The following KCTD10 variants were observed in gnomAD, a reference collection of about 807,000 sequenced individuals.
KCTD10 encodes potassium channel tetramerization domain containing 10, also known as BTB/POZ domain-containing adapter for CUL3-mediated RhoA degradation protein 3.
In KCTD10, 13 loss-of-function variants were observed where a neutral mutation model predicts 34.6. The observed-to-expected ratio is 0.38, with a 90% CI of 0.24 to 0.60. The LOEUF (loss-of-function observed/expected upper bound fraction) is 0.60. Ranked by LOEUF, KCTD10 falls within the 20% of genes least tolerant of loss-of-function variation. KCTD10 has a pLI of 0.66. For synonymous variants in KCTD10, 156 were observed against 168.8 expected, an observed-to-expected ratio of 0.92 and a Z score of 0.59; for missense variants, 256 against 420.3, an observed-to-expected ratio of 0.61 and a Z score of 3.42.
At chr12:109,477,023 G>A (rs889978522) in intron 1 of KCTD10, among the ~76,000 whole-genome samples, 60 of 151,976 alleles carry the variant, frequency 3.9e-4, no homozygotes, top group Non-Finnish European at 8.4e-4. Flanking sequence ...GCCCAAATGT[G>A]CTTCCCGGAT....
intron 2 of KCTD10, among the ~76,000 whole-genome samples, chr12:109,465,484 C>G (rs1451485437): frequency 6.6e-6 from 1 of 152,164 alleles, no homozygotes; most frequent in Non-Finnish European, 1.5e-5. Context: ...GTCCTACTGC[C>G]TGGGCCACAC....
At chr12:109,454,666 C>A (rs966957383) in intron 6 of KCTD10, among the ~76,000 whole-genome samples, 1 of 152,176 alleles carries the variant, frequency 6.6e-6, no homozygotes, top group Admixed American at 6.5e-5. Flanking sequence ...GAGTTCAAGG[C>A]TGCATTGAGC....
rs1401069044 is a variant in KCTD10, at chr12:109,451,716, G to A, written c.821C>T (p.Ala274Val). ...GRGPDNALLE[A>V]TGGAAGRSHH... is the part of the protein sequence containing the mutation. Reference sequence around the variant, plus strand: ...GGAGCGCCCCGCCGCCCCGCCTGTGGCCTCCAGGAGCGCATTGTCAGGTCC... The same window carrying A: ...GGAGCGCCCCGCCGCCCCGCCTGTGACCTCCAGGAGCGCATTGTCAGGTCC... The change falls in exon 7 of 7, where the codon GCC becomes GTC. Residue 274 changes from alanine (A) to valine (V), a missense_variant. Transcript: ENST00000228495. This position sits in a 1 kb window ranked among gnomAD's most constrained non-coding sequence, Gnocchi z 5.0. The A allele has an allele frequency of 6.2e-7, 1 of 1,614,106 alleles. No individual in the cohort carries two copies.
chr12:109,469,603 G>A lies in KCTD10; in HGVS notation c.129C>T (p.Tyr43=), dbSNP rs1046636899. 19 of 1,614,088 alleles carry A rather than the reference G, an allele frequency of 1.2e-5. No homozygotes were observed. The highest frequency in any genetic ancestry group is 1.7e-5 in the Admixed American group (1 of 60,004). ...YVKLNVGGAL[Y]YTTMQTLTKQ... ...TGGTCAGCGTCTGCATGGTGGTATA[G>A]TAGAGGGCTCCACCCACATTCAGCT... Residue 43 remains tyrosine (Y), a synonymous_variant, in exon 2 of 7, where the codon TAC becomes TAT. Transcript: ENST00000228495.
chr12:109,452,775 C>G (rs1872837940), intron 6 of KCTD10, among the ~76,000 whole-genome samples: 1 of 151,584 alleles, frequency 6.6e-6, no homozygotes, highest in African/African-American at 2.4e-5. Context: ...TCCAGAAGGT[C>G]TCTAGTGGCC....
At chr12:109,472,518 A>G (rs571723203) in intron 1 of KCTD10, among the ~76,000 whole-genome samples, 3 of 152,320 alleles carry the variant, frequency 2.0e-5, no homozygotes, top group African/African-American at 7.2e-5. Flanking sequence ...ACTTAAAAAA[A>G]AAAAGGCAGG....
intron 6 of KCTD10, chr12:109,455,577 G>A (rs1430703791): frequency 1.3e-5 from 2 of 157,370 alleles, no homozygotes; most frequent in Non-Finnish European, 2.8e-5. Flanking sequence ...GGTGACAAGA[G>A]GCATGACCGT....
intron 1 of KCTD10, among the ~76,000 whole-genome samples, chr12:109,473,067 T>A (rs749001280): frequency 6.6e-6 from 1 of 152,186 alleles, no homozygotes; most frequent in Admixed American, 6.5e-5. Flanking sequence ...AAGACAGCTA[T>A]AGTTATTTCC....
At chr12:109,471,163 T>TC in intron 1 of KCTD10, 7 of 985,474 alleles carry the variant, frequency 7.1e-6, no homozygotes, top group Non-Finnish European at 8.4e-6. Context: ...TTCCAGATTT[T>TC]CTATAATGAA....
Position 109,451,898 on chromosome 12 carries a change from A to AC in KCTD10, c.724-86_724-85insG. The AC allele has an allele frequency of 9.4e-7, 1 of 1,061,350 alleles. No individual in the cohort carries two copies. Among genetic ancestry groups the AC allele is most frequent in the Non-Finnish European group, 1.3e-6 (1 of 753,804 alleles). 65.7% of individuals were successfully genotyped at this position (1,061,350 alleles called of 1,614,324 possible). On this transcript the variant is annotated intron_variant, in intron 6 of 6. Coordinates refer to ENST00000228495, the MANE Select transcript of KCTD10 (RefSeq NM_031954.5). The surrounding 1 kb of genome is among the most constrained non-coding windows in gnomAD (Gnocchi z 5.0). ...GGACTTTAAGCAGGGCCGCCAGGCTAAATCAGGCCCCTGGGATTCTGCTGA... is the reference window on the plus strand; with the variant it reads ...GGACTTTAAGCAGGGCCGCCAGGCTACAATCAGGCCCCTGGGATTCTGCTGA...
intron 2 of KCTD10, chr12:109,464,953 C>A (rs1873521077): frequency 2.3e-6 from 1 of 429,292 alleles, no homozygotes; most frequent in Non-Finnish European, 4.7e-6. Flanking sequence ...GGGCTGAGCT[C>A]CCAACAGTGG....
At chr12:109,464,555 G>C (rs1345585494) in intron 2 of KCTD10, among the ~76,000 whole-genome samples, 1 of 152,150 alleles carries the variant, frequency 6.6e-6, no homozygotes, top group African/African-American at 2.4e-5. Flanking sequence ...CATTAAAAAA[G>C]CTCAGACAAG....
In KCTD10 at chr12:109,451,822, C is replaced by G; in HGVS notation, c.724-9G>C. 6.2e-7 allele frequency: 1 copy of G among 1,611,108 alleles called. No individual in the cohort carries two copies. Among genetic ancestry groups the G allele is most frequent in the Non-Finnish European group, 8.5e-7 (1 of 1,178,292 alleles). On this transcript the variant is annotated splice_polypyrimidine_tract_variant and intron_variant, in intron 6 of 6. Transcript: ENST00000228495. The surrounding 1 kb of genome is among the most constrained non-coding windows in gnomAD (Gnocchi z 5.0). ...GCTTCGGGAAACTCCACCTGTGTTC[C>G]CACAGTATACAGGGCAGGTAAGTTA...
intron 6 of KCTD10, among the ~76,000 whole-genome samples, chr12:109,454,241 C>T (rs904310482): frequency 2.6e-5 from 4 of 152,214 alleles, no homozygotes; most frequent in African/African-American, 9.7e-5. Flanking sequence ...GACCTGGCAG[C>T]AGCTATTATT....
intron 2 of KCTD10, among the ~76,000 whole-genome samples, chr12:109,465,718 G>A (rs1426622735): frequency 6.6e-6 from 1 of 152,190 alleles, no homozygotes; most frequent in East Asian, 1.9e-4. Context: ...AAGCTCTCAG[G>A]TACTTCAGAA....
intron 6 of KCTD10, among the ~76,000 whole-genome samples, chr12:109,454,885 T>G (rs1292280634): frequency 6.6e-6 from 1 of 152,230 alleles, no homozygotes; most frequent in Non-Finnish European, 1.5e-5. Context: ...TTGTTCCTTA[T>G]TAAGCTCTAA....
chr12:109,456,154 G>C lies in KCTD10; in HGVS notation c.687C>G (p.Thr229=). The C allele has an allele frequency of 1.2e-6, 2 of 1,614,162 alleles. No individual in the cohort carries two copies. The highest frequency in any genetic ancestry group is 1.7e-6 in the Non-Finnish European group (2 of 1,180,040). The change falls in exon 6 of 7, where the codon ACC becomes ACG. Residue 229 remains threonine, a synonymous_variant. Coordinates refer to ENST00000228495, the MANE Select transcript of KCTD10 (RefSeq NM_031954.5). ...QGRKIAEVCC[T]SIVYATEKKQ... is the part of the protein sequence containing the mutation. ...TCTTCTCAGTGGCATAGACGATGGAGGTACAACAGACTTCAGCAATCTTCC... is the reference window on the plus strand; with the variant it reads ...TCTTCTCAGTGGCATAGACGATGGACGTACAACAGACTTCAGCAATCTTCC...
At chr12:109,475,980 C>T (rs1278092777) in intron 1 of KCTD10, among the ~76,000 whole-genome samples, 3 of 152,168 alleles carry the variant, frequency 2.0e-5, no homozygotes, top group African/African-American at 7.2e-5. Context: ...TTATCATCAA[C>T]CCCACTTTTT....
rs1215062269 is a variant in KCTD10, at chr12:109,460,542, CAG to C, written c.387+92_387+93del. On this transcript the variant is annotated intron_variant, in intron 3 of 6. Coordinates refer to ENST00000228495, the MANE Select transcript of KCTD10 (RefSeq NM_031954.5). This position sits in a 1 kb window ranked among gnomAD's most constrained non-coding sequence, Gnocchi z 4.5. ...TAACTCTCACAACATCTCAGTCAGACAGAAACTGCCCCCATTTTGCAGAGAGG... is the reference window on the plus strand; with the variant it reads ...TAACTCTCACAACATCTCAGTCAGACAAACTGCCCCCATTTTGCAGAGAGG... The C allele has an allele frequency of 6.7e-6, 9 of 1,344,532 alleles. No individual in the cohort carries two copies. Among genetic ancestry groups the C allele is most frequent in the Non-Finnish European group, 8.3e-6 (8 of 966,332 alleles). The allele number at this position is 1,344,532 out of a possible 1,614,324, so 83.3% of individuals were successfully genotyped here.
Sources: allele counts gnomAD v4.1 joint callset (sites outside exome capture counted in the v4.1 genomes callset), GRCh38; gene constraint gnomAD v4.1.1; non-coding constraint Gnocchi (gnomAD v3.1); transcripts MANE v1.5; gene names NCBI Gene and HGNC (gene_info 2026-07-23, HGNC 2026-07-21).